Variants in GSDME observed in about 807,000 individuals in gnomAD.
GSDME encodes gasdermin E, also known as gasdermin-E.
A neutral mutation model predicts 47.5 loss-of-function variants in GSDME; 44 were observed. That is an observed-to-expected ratio of 0.93 (90% CI 0.73 to 1.19). GSDME has a LOEUF of 1.19. GSDME is among the 50% of genes most tolerant of loss of function. The probability of loss-of-function intolerance (pLI) is 0.00; values close to 1 mark genes in which losing one functional copy is unlikely to be tolerated. For missense variants in GSDME, 663 were observed against 604.2 expected, an observed-to-expected ratio of 1.10 and a Z score of -1.02; for synonymous variants, 258 against 252.8, an observed-to-expected ratio of 1.02 and a Z score of -0.20.
rs1256523742 is a variant in GSDME, at chr7:24,724,220, G to A, written c.405-5002C>T. 2.6e-5 allele frequency among the ~76,000 whole-genome samples: 4 copies of A among 151,726 alleles called. No individual in the cohort carries two copies. The highest frequency in any genetic ancestry group is 5.9e-5 in the Non-Finnish European group (4 of 67,984). ...TAAAAAAAGGCCTTCTGGACAGACT[G>A]TAAGCTCCTGGAGGACAAAGTACTT... On this transcript the variant is annotated intron_variant, in intron 3 of 9. Coordinates refer to ENST00000645220, the MANE Select transcript of GSDME (RefSeq NM_001127453.2). The surrounding 1 kb of genome is among the most constrained non-coding windows in gnomAD (Gnocchi z 4.8).
chr7:24,780,639 G>C, the GSDME span, among the ~76,000 whole-genome samples: 1 of 152,132 alleles, frequency 6.6e-6, no homozygotes, highest in African/African-American at 2.4e-5. The surrounding 1 kb of genome is among the most constrained non-coding windows in gnomAD (Gnocchi z 4.1). Context: ...CCCTGAAATG[G>C]AACTAACTCC....
rs1791037800 is a variant in GSDME at position 24,756,915 on chromosome 7, C to T, written c.-20+481G>A. On this transcript the variant is annotated intron_variant, in intron 1 of 9. Coordinates refer to ENST00000645220, the MANE Select transcript of GSDME (RefSeq NM_001127453.2). The surrounding 1 kb of genome is among the most constrained non-coding windows in gnomAD (Gnocchi z 4.2). ...GGGGACTTTTTTCCGTCCAGAGAGACTGAACTCCGTATCTGTTCCGCGGTC... is the reference window on the plus strand; with the variant it reads ...GGGGACTTTTTTCCGTCCAGAGAGATTGAACTCCGTATCTGTTCCGCGGTC... 6.6e-6 allele frequency among the ~76,000 whole-genome samples: 1 copy of T among 152,160 alleles called. No homozygotes were observed. Among genetic ancestry groups the T allele is most frequent in the Admixed American group, 6.5e-5 (1 of 15,274 alleles).
the GSDME span, among the ~76,000 whole-genome samples, chr7:24,778,269 G>A: frequency 4.6e-5 from 7 of 151,800 alleles, no homozygotes; most frequent in South Asian, 1.5e-3. This position sits in a 1 kb window ranked among gnomAD's most constrained non-coding sequence, Gnocchi z 5.6. Context: ...GTAACAAAAG[G>A]CTGGAACCCA....
Position 24,706,404 on chromosome 7 carries a change from T to C in GSDME, c.991-28A>G, listed in dbSNP as rs761753492. Reference sequence around the variant, plus strand: ...GTAGGGCAGGGAAGAAGAAGGGTCATGACACAGCTGGAGACCAAGCGCCAC... The same window carrying C: ...GTAGGGCAGGGAAGAAGAAGGGTCACGACACAGCTGGAGACCAAGCGCCAC... On this transcript the variant is annotated intron_variant, in intron 7 of 9. Transcript: ENST00000645220. 2.5e-5 allele frequency: 40 copies of C among 1,604,750 alleles called. 1 individual carries two copies. The South Asian group carries it at 4.4e-4, about 18-fold the overall frequency.
At chr7:24,763,967 T>TA in the GSDME span, among the ~76,000 whole-genome samples, 1 of 152,250 alleles carries the variant, frequency 6.6e-6, no homozygotes, top group Non-Finnish European at 1.5e-5. This position sits in a 1 kb window ranked among gnomAD's most constrained non-coding sequence, Gnocchi z 4.3. Flanking sequence ...TTCTGTTTTT[T>TA]AAAACGAGCC....
the GSDME span, among the ~76,000 whole-genome samples, chr7:24,793,181 T>A: frequency 6.6e-6 from 1 of 152,226 alleles, no homozygotes; most frequent in Non-Finnish European, 1.5e-5. Context: ...AATAAAACTT[T>A]GTAGACATAT....
At position 24,745,003 on chromosome 7, in the gene GSDME, G is replaced by A. The variant is rs1304883371; in HGVS notation, c.212-249C>T. Among the ~76,000 whole-genome samples, 1 of 138,934 alleles carries A rather than the reference G, an allele frequency of 7.2e-6. No individual in the cohort carries two copies. Among genetic ancestry groups the A allele is most frequent in the East Asian group, 2.0e-4 (1 of 5,052 alleles). 91.1% of individuals were successfully genotyped at this position (138,934 alleles called of 152,430 possible). A position where few individuals can be genotyped will look rare whatever the true frequency, so the allele number is the denominator to read the frequency against. ...GCAGCACGTGTGTGTGTGTGTGTGT[G>A]TGTGTGTGTGTGTGTGTGTGTGTGT... is the stretch of plus-strand genomic sequence containing the variant. On this transcript the variant is annotated intron_variant, in intron 2 of 9. Coordinates refer to ENST00000645220, the MANE Select transcript of GSDME (RefSeq NM_001127453.2). This position sits in a 1 kb window ranked among gnomAD's most constrained non-coding sequence, Gnocchi z 4.4.
At position 24,717,258 on chromosome 7, in the gene GSDME, C is replaced by G. The variant is rs537101702; in HGVS notation, c.693G>C (p.Gln231His). The G allele has an allele frequency of 8.6e-5, 138 of 1,614,010 alleles. No homozygotes were observed. The highest frequency in any genetic ancestry group is 1.1e-4 in the Non-Finnish European group (132 of 1,180,022). The change falls in exon 5 of 10, where the codon CAG becomes CAC. Residue 231 changes from glutamine to histidine, a missense_variant. Physicochemically the swap from Gln to His is conservative, Grantham distance 24 (BLOSUM62 0). Transcript: ENST00000645220. Reference protein sequence around the residue: ...VIELYVKLDGQFEFCLLRGKQ... With the variant: ...VIELYVKLDGHFEFCLLRGKQ... ...CCCATAGGAGGTGGCACTCACCGAA[C>G]TGGCCGTCCAGTTTCACGTATAACT...
At chr7:24,784,626 CTT>C in the GSDME span, among the ~76,000 whole-genome samples, 9 of 124,280 alleles carry the variant, frequency 7.2e-5, no homozygotes, top group Admixed American at 8.4e-5. Context: ...TTTCTTCTTC[CTT>C]TTTTTTTTTT....
At chr7:24,778,077 G>C in the GSDME span, among the ~76,000 whole-genome samples, 4 of 146,834 alleles carry the variant, frequency 2.7e-5, no homozygotes, top group African/African-American at 7.7e-5. The surrounding 1 kb of genome is among the most constrained non-coding windows in gnomAD (Gnocchi z 5.6). Flanking sequence ...AGAGAAAATG[G>C]TGGGGGAGGG....
chr7:24,719,306 G>C (rs1789689594), intron 3 of GSDME, 88 bp from the exon 4 acceptor site: 1 of 1,369,686 alleles, frequency 7.3e-7, no homozygotes, highest in Admixed American at 1.7e-5. Context: ...AGGCAGCTGA[G>C]GAGTGAGCAG....
Position 24,754,153 on chromosome 7 carries a change from G to C in GSDME, c.-20+3243C>G, listed in dbSNP as rs1008297684. On this transcript the variant is annotated intron_variant, in intron 1 of 9. Coordinates refer to ENST00000645220, the MANE Select transcript of GSDME (RefSeq NM_001127453.2). This position sits in a 1 kb window ranked among gnomAD's most constrained non-coding sequence, Gnocchi z 5.0. ...GCCTAAAAACTCACTGCACTTCACAGTTGTTACATAGATCACGGACTCTCG... is the reference window on the plus strand; with the variant it reads ...GCCTAAAAACTCACTGCACTTCACACTTGTTACATAGATCACGGACTCTCG... Among the ~76,000 whole-genome samples the C allele has an allele frequency of 2.6e-5, 4 of 152,214 alleles. No homozygotes were observed. The highest frequency in any genetic ancestry group is 1.3e-4 in the Admixed American group (2 of 15,280).
chr7:24,766,237 T>G, the GSDME span, among the ~76,000 whole-genome samples: 148 of 150,954 alleles, frequency 9.8e-4, 1 homozygote, highest in African/African-American at 3.3e-3. The surrounding 1 kb of genome is among the most constrained non-coding windows in gnomAD (Gnocchi z 4.2). Context: ...GTTTTCACAG[T>G]CAGCCTATAC....
At chr7:24,773,042 C>G in the GSDME span, among the ~76,000 whole-genome samples, 1 of 152,160 alleles carries the variant, frequency 6.6e-6, no homozygotes, top group Admixed American at 6.5e-5. This position sits in a 1 kb window ranked among gnomAD's most constrained non-coding sequence, Gnocchi z 5.4. Flanking sequence ...TACAGAATAC[C>G]ATGCTCTTAA....
At chr7:24,730,201 T>C (rs1489593466) in intron 3 of GSDME, among the ~76,000 whole-genome samples, 1 of 152,180 alleles carries the variant, frequency 6.6e-6, no homozygotes, top group African/African-American at 2.4e-5. Context: ...AAACATCTGC[T>C]CACCTGAATT....
Position 24,721,980 on chromosome 7 carries a change from T to A in GSDME, c.405-2762A>T, listed in dbSNP as rs1202694179. 6.6e-6 allele frequency among the ~76,000 whole-genome samples: 1 copy of A among 152,186 alleles called. No homozygotes were observed. The highest frequency in any genetic ancestry group is 6.5e-5 in the Admixed American group (1 of 15,286). The stretch of plus-strand genomic sequence containing the variant: ...CGGGGAAGCATTCCCTGCACCCCCA[T>A]CATGCTATCACACCCTAAGATCACT... On this transcript the variant is annotated intron_variant, in intron 3 of 9. Transcript: ENST00000645220. This position sits in a 1 kb window ranked among gnomAD's most constrained non-coding sequence, Gnocchi z 4.1.
intron 1 of GSDME, among the ~76,000 whole-genome samples, chr7:24,751,340 A>C (rs1488592486): frequency 6.6e-6 from 1 of 152,212 alleles, no homozygotes; most frequent in African/African-American, 2.4e-5. Flanking sequence ...AAAAGCTCTA[A>C]TGCACAAGAA....
rs946744007 is a variant in GSDME at position 24,732,548 on chromosome 7, T to C, written c.404+12014A>G. 1.3e-5 allele frequency among the ~76,000 whole-genome samples: 2 copies of C among 152,166 alleles called. No homozygotes were observed. Among genetic ancestry groups the C allele is most frequent in the African/African-American group, 4.8e-5 (2 of 41,436 alleles). The stretch of plus-strand genomic sequence containing the variant: ...GCACTGAAGAGGGTAGGAAAGGCAG[T>C]CTTGAATTGCCAACACCACCCCTCC... On this transcript the variant is annotated intron_variant, in intron 3 of 9. Coordinates refer to ENST00000645220, the MANE Select transcript of GSDME (RefSeq NM_001127453.2). The surrounding 1 kb of genome is among the most constrained non-coding windows in gnomAD (Gnocchi z 4.8).
At chr7:24,752,002 C>A (rs972455053) in intron 1 of GSDME, among the ~76,000 whole-genome samples, 11 of 152,184 alleles carry the variant, frequency 7.2e-5, no homozygotes, top group African/African-American at 2.4e-4. Context: ...CACAGAAGTC[C>A]TCCTGAAGTC....
Sources: allele counts gnomAD v4.1 joint callset (sites outside exome capture counted in the v4.1 genomes callset), GRCh38; gene constraint gnomAD v4.1.1; non-coding constraint Gnocchi (gnomAD v3.1); transcripts MANE v1.5; gene names NCBI Gene and HGNC (gene_info 2026-07-23, HGNC 2026-07-21).